The following RASGEF1C variants were observed in gnomAD, a reference collection of about 807,000 sequenced individuals.
RASGEF1C encodes ras-GEF domain-containing family member 1C.
In RASGEF1C, 27 loss-of-function variants were observed where a neutral mutation model predicts 58.1. The ratio of observed to expected loss-of-function variants is 0.46; its 90% confidence interval spans 0.34 to 0.64. RASGEF1C has a LOEUF of 0.64. Ranked by LOEUF, RASGEF1C falls within the 30% of genes least tolerant of loss-of-function variation. The pLI is 0.01. For synonymous variants in RASGEF1C, 243 were observed against 246.3 expected (o/e 0.99, Z 0.13); for missense variants, 502 against 605.1 (o/e 0.83, Z 1.79).
intron 1 of RASGEF1C, among the ~76,000 whole-genome samples, chr5:180,208,784 G>C (rs995219938): frequency 6.6e-6 from 1 of 151,936 alleles, no homozygotes; most frequent in Non-Finnish European, 1.5e-5. Flanking sequence ...GCGCGCGGCA[G>C]AGCTGGGTCT....
chr5:180,174,328 C>T (rs1350532450), intron 1 of RASGEF1C, among the ~76,000 whole-genome samples: 7 of 152,274 alleles, frequency 4.6e-5, no homozygotes, highest in Admixed American at 1.3e-4. Context: ...AAGAAACATA[C>T]TGTTTTCTCT....
chr5:180,202,701 T>C (rs1756414478), intron 1 of RASGEF1C, among the ~76,000 whole-genome samples: 1 of 151,268 alleles, frequency 6.6e-6, no homozygotes, highest in Non-Finnish European at 1.5e-5. Context: ...TACTCACAAG[T>C]CTTTCTTTTT....
chr5:180,193,079 G>A lies in RASGEF1C; in HGVS notation c.-7+15949C>T, dbSNP rs1221345755. On this transcript the variant is annotated intron_variant, in intron 1 of 13. Transcript: ENST00000361132. ...TTGTTGTTGTTTTGTTTTTTGAGAC[G>A]GTGTCTTGCTCTTTCACCCAGGCCA... 3.6e-5 allele frequency among the ~76,000 whole-genome samples: 5 copies of A among 140,336 alleles called. No homozygotes were observed. In the East Asian group the frequency reaches 6.5e-4, roughly 18 times the overall value. The allele number at this position is 140,336 out of a possible 152,430, so 92.1% of individuals were successfully genotyped here.
Position 180,163,871 on chromosome 5 carries a change from T to A in RASGEF1C, c.-6-25813A>T, listed in dbSNP as rs531494581. On this transcript the variant is annotated intron_variant, in intron 1 of 13. Coordinates refer to ENST00000361132, the MANE Select transcript of RASGEF1C (RefSeq NM_175062.4). ...AGTAAACCATCTCTTCCTGGAGATT[T>A]CTTTTTCTAAGATTTGAAATGATAA... Among the ~76,000 whole-genome samples, 5 of 152,320 alleles carry A rather than the reference T, an allele frequency of 3.3e-5. No homozygotes were observed. In the East Asian group the frequency reaches 9.6e-4, roughly 29 times the overall value.
Position 180,138,068 on chromosome 5 carries a change from C to T in RASGEF1C, c.-6-10G>A, listed in dbSNP as rs778529152. On this transcript the variant is annotated splice_polypyrimidine_tract_variant and intron_variant, in intron 1 of 13. Coordinates refer to ENST00000361132, the MANE Select transcript of RASGEF1C (RefSeq NM_175062.4). ...TCTGTGGCATGTCTGCCTGCAATGG[C>T]AAGGAGCAGTGAGGACCTGAGTGGG... The T allele has an allele frequency of 2.2e-5, 32 of 1,481,324 alleles. No homozygotes were observed. The highest frequency in any genetic ancestry group is 2.7e-5 in the Non-Finnish European group (30 of 1,116,382). The allele number at this position is 1,481,324 out of a possible 1,614,324, so 91.8% of individuals were successfully genotyped here. A position where few individuals can be genotyped will look rare whatever the true frequency, so the allele number is the denominator to read the frequency against.
intron 6 of RASGEF1C, among the ~76,000 whole-genome samples, chr5:180,126,192 G>A (rs1003679971): frequency 1.3e-5 from 2 of 152,204 alleles, no homozygotes; most frequent in African/African-American, 4.8e-5. Context: ...CAGATCACAA[G>A]GTCAGGAGAT....
At chr5:180,199,133 G>A (rs1756334562) in intron 1 of RASGEF1C, among the ~76,000 whole-genome samples, 1 of 152,192 alleles carries the variant, frequency 6.6e-6, no homozygotes, top group Non-Finnish European at 1.5e-5. Context: ...GCAGAGGACG[G>A]GAGAGGTGGC....
chr5:180,206,041 G>A (rs537261607), intron 1 of RASGEF1C, among the ~76,000 whole-genome samples: 4 of 152,052 alleles, frequency 2.6e-5, no homozygotes, highest in African/African-American at 7.2e-5. Flanking sequence ...GGCCCTCCTT[G>A]CCTTTAAATA....
At chr5:180,186,732 A>C (rs1756049014) in intron 1 of RASGEF1C, among the ~76,000 whole-genome samples, 1 of 152,190 alleles carries the variant, frequency 6.6e-6, no homozygotes, top group Admixed American at 6.5e-5. Context: ...TTGGGAGGCC[A>C]AGGCGGGCTG....
chr5:180,160,627 C>T (rs1050828776), intron 1 of RASGEF1C, among the ~76,000 whole-genome samples: 35 of 152,252 alleles, frequency 2.3e-4, no homozygotes, highest in African/African-American at 7.9e-4. Context: ...AGGCCACACA[C>T]AATATGCATG....
At chr5:180,114,311 T>A in intron 11 of RASGEF1C, 135 bp downstream of exon 11, 1 of 723,792 alleles carries the variant, frequency 1.4e-6, no homozygotes, top group Non-Finnish European at 2.3e-6. Flanking sequence ...CTGATAACCT[T>A]GCCAAGGTCG....
At chr5:180,187,812 C>A (rs72823715) in intron 1 of RASGEF1C, among the ~76,000 whole-genome samples, 2 of 152,096 alleles carry the variant, frequency 1.3e-5, no homozygotes, top group Non-Finnish European at 2.9e-5. Flanking sequence ...ACTTTACACC[C>A]GCTAGGATGG....
chr5:180,190,347 G>T (rs6876260), intron 1 of RASGEF1C, among the ~76,000 whole-genome samples: 5 of 151,146 alleles, frequency 3.3e-5, no homozygotes, highest in Non-Finnish European at 5.9e-5. Context: ...AAAATTAGCC[G>T]GGCGTGGTGG....
intron 1 of RASGEF1C, among the ~76,000 whole-genome samples, chr5:180,180,235 G>A (rs1306756175): frequency 2.6e-5 from 4 of 152,248 alleles, no homozygotes; most frequent in African/African-American, 9.6e-5. Flanking sequence ...GCATGCTTGA[G>A]TTCGACAAAG....
Position 180,143,153 on chromosome 5 carries a change from ACAGG to A in RASGEF1C, c.-6-5099_-6-5096del, listed in dbSNP as rs1315554976. On this transcript the variant is annotated intron_variant, in intron 1 of 13. Coordinates refer to ENST00000361132, the MANE Select transcript of RASGEF1C (RefSeq NM_175062.4). This position sits in a 1 kb window ranked among gnomAD's most constrained non-coding sequence, Gnocchi z 4.3. ...TGTGTGGGGTCAGGTCTGCAGAGAG[ACAGG>A]CAGACAGGGGACAGGATCCCACGTG... Among the ~76,000 whole-genome samples, 1 of 152,066 alleles carries A rather than the reference ACAGG, an allele frequency of 6.6e-6. No individual in the cohort carries two copies. The highest frequency in any genetic ancestry group is 1.9e-4 in the East Asian group (1 of 5,170).
chr5:180,147,047 A>G (rs1414231134), intron 1 of RASGEF1C, among the ~76,000 whole-genome samples: 1 of 152,024 alleles, frequency 6.6e-6, no homozygotes, highest in Non-Finnish European at 1.5e-5. Context: ...GTTTCTAGGA[A>G]TTTCATCTAG....
At position 180,111,541 on chromosome 5, in the gene RASGEF1C, T is replaced by G. The variant is rs1272629879; in HGVS notation, c.1219A>C (p.Thr407Pro). 1 of 1,614,120 alleles carries G rather than the reference T, an allele frequency of 6.2e-7. No homozygotes were observed. The highest frequency in any genetic ancestry group is 1.1e-5 in the South Asian group (1 of 91,084). The change falls in exon 12 of 14, where the codon ACC (threonine) becomes CCC (proline). Residue 407 changes from threonine (T) to proline (P), a missense_variant. Coordinates refer to ENST00000361132, the MANE Select transcript of RASGEF1C (RefSeq NM_175062.4). ...AAGGGACACTCCACTTGTTTCCAGG[T>G]GATGAACTCCCCCACCTGCTTGGCC... The part of the protein sequence containing the change: ...ELAKQVGEFI[T>P]WKQVECPFEQ...
intron 12 of RASGEF1C, among the ~76,000 whole-genome samples, chr5:180,103,293 G>A (rs944307460): frequency 9.9e-5 from 15 of 152,232 alleles, no homozygotes; most frequent in South Asian, 2.1e-4. Flanking sequence ...TAGCCAGGAT[G>A]GTCTCGATCT....
chr5:180,206,129 C>G (rs1756484279), intron 1 of RASGEF1C, among the ~76,000 whole-genome samples: 1 of 152,062 alleles, frequency 6.6e-6, no homozygotes, highest in Admixed American at 6.5e-5. Context: ...ACTAGAAAGC[C>G]CAGAAACAGG....
Sources: gnomAD v4.1 joint callset for allele counts (sites outside exome capture counted in the v4.1 genomes callset) on GRCh38, gnomAD v4.1.1 for gene constraint, Gnocchi (gnomAD v3.1) non-coding constraint, MANE v1.5 for transcripts, NCBI Gene and HGNC (gene_info 2026-07-23, HGNC 2026-07-21) for gene names.